SLC44A1: variants seen among roughly 807,000 people sequenced by gnomAD.
SLC44A1 encodes the protein choline transporter-like protein 1.
A neutral mutation model predicts 79.3 loss-of-function variants in SLC44A1; 26 were observed. The ratio of observed to expected loss-of-function variants is 0.33; its 90% CI spans 0.24 to 0.46. The LOEUF (loss-of-function observed/expected upper bound fraction) is 0.46, where lower values mean the gene tolerates loss of function less well. Among genes scored for constraint, SLC44A1 ranks in the 20% least tolerant of loss-of-function variants. The pLI is 1.00. For synonymous variants in SLC44A1, 263 were observed against 286.2 expected, an observed-to-expected ratio of 0.92 and a Z score of 0.82; for missense variants, 688 against 798.1, an observed-to-expected ratio of 0.86 and a Z score of 1.66.
At chr9:105,405,114 G>A (rs1237446556) in intron 15 of SLC44A1, among the ~76,000 whole-genome samples, 1 of 152,118 alleles carries the variant, frequency 6.6e-6, no homozygotes, top group Non-Finnish European at 1.5e-5. Flanking sequence ...GAGGTGAGGA[G>A]TTTGAAACCA....
intron 1 of SLC44A1, among the ~76,000 whole-genome samples, chr9:105,247,916 T>A (rs1486116040): frequency 3.3e-5 from 5 of 152,240 alleles, no homozygotes; most frequent in African/African-American, 9.6e-5. Flanking sequence ...CTGTTTAAGT[T>A]AAAATTTACC....
At chr9:105,351,589 A>G (rs1190011980) in intron 5 of SLC44A1, among the ~76,000 whole-genome samples, 15 of 131,258 alleles carry the variant, frequency 1.1e-4, no homozygotes, top group African/African-American at 2.0e-4. Flanking sequence ...AGAGAGAAAG[A>G]GAGAAAGAGA....
intron 15 of SLC44A1, among the ~76,000 whole-genome samples, chr9:105,424,733 G>A (rs1256241796): frequency 6.6e-6 from 1 of 152,100 alleles, no homozygotes; most frequent in African/African-American, 2.4e-5. Context: ...GATCACTTGA[G>A]GTCGGGAGTT....
intron 12 of SLC44A1, among the ~76,000 whole-genome samples, chr9:105,372,162 T>C (rs191920408): frequency 1.4e-3 from 211 of 152,332 alleles, no homozygotes; most frequent in African/African-American, 4.9e-3. Context: ...CTTTAAGATG[T>C]TCTGTATTTT....
chr9:105,307,256 C>T (rs1323176691), intron 2 of SLC44A1, among the ~76,000 whole-genome samples: 1 of 152,190 alleles, frequency 6.6e-6, no homozygotes, highest in Non-Finnish European at 1.5e-5. Context: ...ATCAAAATTA[C>T]ACAGCTAGTA....
intron 5 of SLC44A1, among the ~76,000 whole-genome samples, chr9:105,349,356 G>C (rs998299509): frequency 1.3e-5 from 2 of 152,136 alleles, no homozygotes; most frequent in African/African-American, 4.8e-5. Flanking sequence ...TGAGACTCAT[G>C]TCTACTTTCT....
rs186809195 is a variant in SLC44A1, at chr9:105,345,788, A to G, written c.407-2570A>G. 5.9e-5 allele frequency among the ~76,000 whole-genome samples: 9 copies of G among 152,300 alleles called. No individual in the cohort carries two copies. In the East Asian group the frequency reaches 1.7e-3, roughly 29 times the overall value. On this transcript the variant is annotated intron_variant, in intron 4 of 15. Coordinates refer to ENST00000374720, the MANE Select transcript of SLC44A1 (RefSeq NM_080546.5). ...TTTATACACTAAAGTTAGGTTCCTA[A>G]GATCACTCATTTTGGTAGTCTTTGA...
intron 1 of SLC44A1, among the ~76,000 whole-genome samples, chr9:105,247,044 GT>G (rs1307623876): frequency 6.6e-6 from 1 of 150,892 alleles, no homozygotes; most frequent in Non-Finnish European, 1.5e-5. Flanking sequence ...GACTTGTAGT[GT>G]TCAGTGGAGC....
At chr9:105,408,171 A>T (rs1282123932) in intron 15 of SLC44A1, among the ~76,000 whole-genome samples, 2 of 152,186 alleles carry the variant, frequency 1.3e-5, no homozygotes, top group Non-Finnish European at 2.9e-5. Flanking sequence ...AAAATAAAAT[A>T]AAAACAAAAA....
Position 105,395,508 on chromosome 9 carries a change from C to T in SLC44A1, c.*6452C>T, listed in dbSNP as rs1352231551. On this transcript the variant is annotated 3_prime_UTR_variant, in exon 16 of 16. Coordinates refer to ENST00000374720, the MANE Select transcript of SLC44A1 (RefSeq NM_080546.5). ...TGCTGGGATTACAGGCATGAGCCACCGCGCCCGGCCTAGAAGAGTTTTAAT... is the reference window on the plus strand; with the variant it reads ...TGCTGGGATTACAGGCATGAGCCACTGCGCCCGGCCTAGAAGAGTTTTAAT... 5 of 984,752 alleles carry T rather than the reference C, an allele frequency of 5.1e-6. No homozygotes were observed. Among genetic ancestry groups the T allele is most frequent in the South Asian group, 4.7e-5 (1 of 21,278 alleles). 61.0% of individuals were successfully genotyped at this position (984,752 alleles called of 1,614,324 possible). A position where few individuals can be genotyped will look rare whatever the true frequency, so the allele number is the denominator to read the frequency against.
intron 1 of SLC44A1, among the ~76,000 whole-genome samples, chr9:105,284,961 C>G (rs927279339): frequency 3.3e-5 from 5 of 152,188 alleles, no homozygotes; most frequent in African/African-American, 1.2e-4. Flanking sequence ...CTTTCTGTCT[C>G]TATAGATTTG....
chr9:105,277,971 A>G (rs1050752126), intron 1 of SLC44A1, among the ~76,000 whole-genome samples: 5 of 152,180 alleles, frequency 3.3e-5, no homozygotes, highest in East Asian at 1.9e-4. Context: ...TTTGCTTCCA[A>G]TAGAGACCAT....
Position 105,396,535 on chromosome 9 carries a change from C to G in SLC44A1, c.*7479C>G, listed in dbSNP as rs982547574. The G allele has an allele frequency of 4.9e-5, 48 of 985,248 alleles. 1 individual carries two copies. Among genetic ancestry groups the G allele is most frequent in the Non-Finnish European group, 1.9e-5 (16 of 829,904 alleles). 61.0% of individuals were successfully genotyped at this position (985,248 alleles called of 1,614,324 possible). Reference sequence around the variant, plus strand: ...GGCCAAATTTAAAGATCAGTCAATACAGTAGGGACCTGCTATTGATCTCTC... The same window carrying G: ...GGCCAAATTTAAAGATCAGTCAATAGAGTAGGGACCTGCTATTGATCTCTC... On this transcript the variant is annotated 3_prime_UTR_variant, in exon 16 of 16. Coordinates refer to ENST00000374720, the MANE Select transcript of SLC44A1 (RefSeq NM_080546.5).
At chr9:105,265,906 A>G (rs765764644) in intron 1 of SLC44A1, among the ~76,000 whole-genome samples, 10 of 152,024 alleles carry the variant, frequency 6.6e-5, no homozygotes, top group Non-Finnish European at 1.3e-4. Flanking sequence ...TAACATCTGT[A>G]TATCTTTCTT....
At chr9:105,346,284 C>T (rs1827244792) in intron 4 of SLC44A1, among the ~76,000 whole-genome samples, 1 of 151,976 alleles carries the variant, frequency 6.6e-6, no homozygotes, top group Admixed American at 6.6e-5. Flanking sequence ...GGCTATTATC[C>T]TTTCATTGAG....
intron 4 of SLC44A1, among the ~76,000 whole-genome samples, chr9:105,345,282 T>C (rs984019689): frequency 3.3e-5 from 5 of 152,168 alleles, no homozygotes; most frequent in Admixed American, 2.6e-4. Flanking sequence ...TTGAATGGTA[T>C]AGGAAAACAG....
intron 4 of SLC44A1, among the ~76,000 whole-genome samples, chr9:105,337,922 T>G (rs1312164701): frequency 1.3e-5 from 2 of 152,214 alleles, no homozygotes; most frequent in African/African-American, 4.8e-5. Flanking sequence ...ACCCTCCTGG[T>G]GGGTTTTACA....
intron 1 of SLC44A1, among the ~76,000 whole-genome samples, chr9:105,269,680 C>T (rs1240478257): frequency 6.6e-6 from 1 of 152,172 alleles, no homozygotes; most frequent in Non-Finnish European, 1.5e-5. Flanking sequence ...CTTTCTTCCC[C>T]CTTTTAAAAC....
At chr9:105,319,691 A>G (rs534972693) in intron 3 of SLC44A1, among the ~76,000 whole-genome samples, 3 of 152,322 alleles carry the variant, frequency 2.0e-5, no homozygotes, top group East Asian at 3.9e-4. Context: ...CAAGAGCACC[A>G]AGTAAACAAA....
Sources: gnomAD v4.1 joint callset for allele counts (sites outside exome capture counted in the v4.1 genomes callset) on GRCh38, gnomAD v4.1.1 for gene constraint, MANE v1.5 for transcripts, NCBI Gene and HGNC (gene_info 2026-07-23, HGNC 2026-07-21) for gene names.